The following OR14A16 variants were observed in gnomAD, a reference collection of about 807,000 sequenced individuals.
OR14A16 encodes olfactory receptor 14A16.
For missense variants in OR14A16, 341 were observed against 366.5 expected, an observed-to-expected ratio of 0.93 and a Z score of 0.57; for synonymous variants, 135 against 137.6, an observed-to-expected ratio of 0.98 and a Z score of 0.13.
chr1:247,817,225 C>G (rs1662639380), intron 2 of OR14A16, among the ~76,000 whole-genome samples: 1 of 152,114 alleles, frequency 6.6e-6, no homozygotes, highest in African/African-American at 2.4e-5. Context: ...TGTGCCTGTT[C>G]TCTCTCAGGA....
Position 247,815,392 on chromosome 1 carries a change from A to G in OR14A16, c.338T>C (p.Leu113Pro). Residue 113 changes from leucine to proline, a missense_variant, in exon 3 of 3, where the codon CTC becomes CCC. Physicochemically the swap from Leu to Pro is moderately conservative, Grantham distance 98. Coordinates refer to ENST00000641093, the MANE Select transcript of OR14A16 (RefSeq NM_001001966.2). ...LSSASAELLL[L>P]TVMSFDRYTA... ...ATAGCGGTCAAAGGACATCACCGTGAGGAGGAGCAGCTCTGCAGATGCTGA... is the reference window on the plus strand; with the variant it reads ...ATAGCGGTCAAAGGACATCACCGTGGGGAGGAGCAGCTCTGCAGATGCTGA... The G allele has an allele frequency of 6.2e-7, 1 of 1,613,834 alleles. No individual in the cohort carries two copies. Among genetic ancestry groups the G allele is most frequent in the Non-Finnish European group, 8.5e-7 (1 of 1,179,882 alleles).
rs1239033901 is a variant in OR14A16 at position 247,821,909 on chromosome 1, A to G, written c.-131+2044T>C. On this transcript the variant is annotated intron_variant, in intron 1 of 2. Transcript: ENST00000641093. Reference sequence around the variant, plus strand: ...CTTACTTTTTATCCTTTTTGTGTCTACTATAGGTTTTGGCTTTTTTGGTTA... The same window carrying G: ...CTTACTTTTTATCCTTTTTGTGTCTGCTATAGGTTTTGGCTTTTTTGGTTA... Among the ~76,000 whole-genome samples, 3 of 111,550 alleles carry G rather than the reference A, an allele frequency of 2.7e-5. 1 individual carries two copies. The highest frequency in any genetic ancestry group is 6.6e-5 in the Non-Finnish European group (3 of 45,166). The allele number at this position is 111,550 out of a possible 152,430, so 73.2% of individuals were successfully genotyped here.
rs1392352797 is a variant in OR14A16, at chr1:247,815,489, C to T, written c.241G>A (p.Ala81Thr). The T allele has an allele frequency of 7.4e-6, 12 of 1,613,692 alleles. 1 individual carries two copies. The Middle Eastern group carries it at 8.2e-4, about 111-fold the overall frequency. The change falls in exon 3 of 3, where the codon GCC becomes ACC. Residue 81 changes from alanine (A) to threonine (T), a missense_variant. Ala to Thr is a moderately conservative substitution (Grantham distance 58). Transcript: ENST00000641093. ...GAGTTGTTGTGTATCAAAGAATTGG[C>T]GATAGATTTGGGAGCCGTGACTGAA... The part of the protein sequence containing the change: ...LISVTAPKSI[A>T]NSLIHNNSIS...
intron 2 of OR14A16, among the ~76,000 whole-genome samples, chr1:247,817,273 T>C (rs1395462532): frequency 6.6e-6 from 1 of 152,230 alleles, no homozygotes; most frequent in African/African-American, 2.4e-5. Context: ...AAATGTTGTT[T>C]GCTGAATTTA....
At chr1:247,823,811 C>T (rs1019170848) in intron 1 of OR14A16, 142 bp downstream of exon 1, 2 of 151,514 alleles carry the variant, frequency 1.3e-5, no homozygotes, top group African/African-American at 2.4e-5. Context: ...ATCCAAAATT[C>T]GAATTTAAAG....
intron 1 of OR14A16, among the ~76,000 whole-genome samples, chr1:247,820,689 C>CA (rs111974953): frequency 0.21 from 15,075 of 70,998 alleles, 1,254 homozygotes; most frequent in African/African-American, 0.35. Flanking sequence ...CTACTAAATA[C>CA]AAAAAAAAAC....
intron 2 of OR14A16, 128 bp from the exon 3 acceptor site, chr1:247,815,872 C>G (rs368015596): frequency 3.0e-4 from 141 of 466,296 alleles, no homozygotes; most frequent in South Asian, 1.7e-3. Context: ...TAATTCCATG[C>G]CAATTTGCCA....
chr1:247,815,506 G>A lies in OR14A16; in HGVS notation c.224C>T (p.Thr75Met), dbSNP rs146819402. The A allele has an allele frequency of 1.9e-5, 31 of 1,613,688 alleles. No individual in the cohort carries two copies. In the African/African-American group the frequency reaches 2.7e-4, roughly 14 times the overall value. ...AGAATTGGCGATAGATTTGGGAGCC[G>A]TGACTGAAATAAGGCAGAGATCCAA... Reference protein sequence around the residue: ...SFLDLCLISVTAPKSIANSLI... With the variant: ...SFLDLCLISVMAPKSIANSLI... The change falls in exon 3 of 3, where the codon ACG becomes ATG. Residue 75 changes from threonine to methionine, a missense_variant. Transcript: ENST00000641093.
intron 2 of OR14A16, among the ~76,000 whole-genome samples, chr1:247,816,134 C>T (rs1244086996): frequency 6.6e-6 from 1 of 152,188 alleles, no homozygotes; most frequent in Admixed American, 6.5e-5. Context: ...GTACCATAGT[C>T]TTGCTCTTCC....
Position 247,815,435 on chromosome 1 carries a change from C to T in OR14A16, c.295G>A (p.Val99Ile). 1 of 1,613,892 alleles carries T rather than the reference C, an allele frequency of 6.2e-7. No homozygotes were observed. The highest frequency in any genetic ancestry group is 2.2e-5 in the East Asian group (1 of 44,876). The change falls in exon 3 of 3, where the codon GTC becomes ATC. Residue 99 changes from valine to isoleucine, a missense_variant. Val to Ile is a conservative substitution (Grantham distance 29). Coordinates refer to ENST00000641093, the MANE Select transcript of OR14A16 (RefSeq NM_001001966.2). Reference protein sequence around the residue: ...SISFLGCVSQVFLLLSSASAE... With the variant: ...SISFLGCVSQIFLLLSSASAE... The stretch of plus-strand genomic sequence containing the variant: ...GATGCTGAAGAAAGCAACAAAAAGA[C>T]CTGGGAAACACAGCCAAGGAATGAA...
In OR14A16 at chr1:247,815,505, C is replaced by T. The variant is rs757667932; in HGVS notation, c.225G>A (p.Thr75=). 6.8e-6 allele frequency: 11 copies of T among 1,613,840 alleles called. No homozygotes were observed. Among genetic ancestry groups the T allele is most frequent in the African/African-American group, 1.3e-5 (1 of 74,984 alleles). Residue 75 remains threonine, a synonymous_variant, in exon 3 of 3, where the codon ACG becomes ACA. Transcript: ENST00000641093. ...SFLDLCLISV[T]APKSIANSLI... is the part of the protein sequence containing the mutation. ...AAGAATTGGCGATAGATTTGGGAGC[C>T]GTGACTGAAATAAGGCAGAGATCCA... is the stretch of plus-strand genomic sequence containing the variant.
chr1:247,816,774 A>T (rs1016785776), intron 2 of OR14A16, among the ~76,000 whole-genome samples: 2 of 152,136 alleles, frequency 1.3e-5, no homozygotes, highest in African/African-American at 4.8e-5. Context: ...ATATTAACTG[A>T]ATTACTCACT....
intron 1 of OR14A16, among the ~76,000 whole-genome samples, chr1:247,820,685 A>G (rs1662717144): frequency 3.7e-5 from 1 of 26,942 alleles, no homozygotes; most frequent in Non-Finnish European, 1.9e-3. Flanking sequence ...ATCTCTACTA[A>G]ATACAAAAAA....
chr1:247,822,346 T>A (rs12760941), intron 1 of OR14A16, among the ~76,000 whole-genome samples: 39,640 of 142,466 alleles, frequency 0.28, 6,759 homozygotes, highest in African/African-American at 0.43. Context: ...TGGCGAAAAC[T>A]AACAGTAGGC....
In OR14A16 at chr1:247,815,080, A is replaced by T. The variant is rs770274900; in HGVS notation, c.650T>A (p.Val217Asp). The change falls in exon 3 of 3, where the codon GTC becomes GAC. Residue 217 changes from valine to aspartate, a missense_variant. Val to Asp is a radical substitution (Grantham distance 152, BLOSUM62 -3). Transcript: ENST00000641093. ...CCFIVIIITYVHVFSTVKKIP... is the reference protein window; with the variant it reads ...CCFIVIIITYDHVFSTVKKIP... ...CTTCTTGACTGTAGAGAAGACGTGG[A>T]CATAGGTAATGATGATGACAATAAA... 4 of 1,614,030 alleles carry T rather than the reference A, an allele frequency of 2.5e-6. No homozygotes were observed. The highest frequency in any genetic ancestry group is 3.3e-5 in the Admixed American group (2 of 60,030).
chr1:247,815,056 T>C lies in OR14A16; in HGVS notation c.674A>G (p.Lys225Arg), dbSNP rs1330478643. 1 of 1,613,826 alleles carries C rather than the reference T, an allele frequency of 6.2e-7. No homozygotes were observed. Among genetic ancestry groups the C allele is most frequent in the Non-Finnish European group, 8.5e-7 (1 of 1,179,840 alleles). Residue 225 changes from lysine to arginine, a missense_variant, in exon 3 of 3, where the codon AAG (lysine) becomes AGG (arginine). Physicochemically the swap from Lys to Arg is conservative, Grantham distance 26. Transcript: ENST00000641093. ...TYVHVFSTVK[K>R]IPSTEGQSKA... ...TGACTGGCCTTCTGTGGAAGGGATCTTCTTGACTGTAGAGAAGACGTGGAC... is the reference window on the plus strand; with the variant it reads ...TGACTGGCCTTCTGTGGAAGGGATCCTCTTGACTGTAGAGAAGACGTGGAC...
intron 2 of OR14A16, among the ~76,000 whole-genome samples, chr1:247,816,329 A>G (rs1475960922): frequency 1.3e-5 from 2 of 152,264 alleles, no homozygotes; most frequent in Non-Finnish European, 2.9e-5. Context: ...TGAAATTTTA[A>G]TAAGAGATTG....
At position 247,815,600 on chromosome 1, in the gene OR14A16, T is replaced by C. The variant is rs369712674; in HGVS notation, c.130A>G (p.Ile44Val). The C allele has an allele frequency of 2.6e-5, 42 of 1,613,612 alleles. No homozygotes were observed. Among genetic ancestry groups the C allele is most frequent in the Non-Finnish European group, 3.5e-5 (41 of 1,179,640 alleles). The change falls in exon 3 of 3, where the codon ATC becomes GTC. Residue 44 changes from isoleucine (I) to valine (V), a missense_variant. Ile to Val is a conservative substitution (Grantham distance 29). Coordinates refer to ENST00000641093, the MANE Select transcript of OR14A16 (RefSeq NM_001001966.2). The part of the protein sequence containing the change: ...LCALMGNVLI[I>V]MITTLDHHLH... ...TGATGGTCCAAAGTTGTGATCATGA[T>C]AATGAGGACATTCCCCATCAGGGCA...
Position 247,815,389 on chromosome 1 carries a change from G to T in OR14A16, c.341C>A (p.Thr114Lys). The change falls in exon 3 of 3, where the codon ACG becomes AAG. Residue 114 changes from threonine (T) to lysine (K), a missense_variant. Transcript: ENST00000641093. ...SSASAELLLL[T>K]VMSFDRYTAI... ...AGTATAGCGGTCAAAGGACATCACC[G>T]TGAGGAGGAGCAGCTCTGCAGATGC... 1.9e-6 allele frequency: 3 copies of T among 1,613,828 alleles called. No individual in the cohort carries two copies. Among genetic ancestry groups the T allele is most frequent in the Non-Finnish European group, 1.7e-6 (2 of 1,179,898 alleles).
Sources: allele counts gnomAD v4.1 joint callset (sites outside exome capture counted in the v4.1 genomes callset), GRCh38; gene constraint gnomAD v4.1.1; transcripts MANE v1.5; gene names NCBI Gene and HGNC (gene_info 2026-07-23, HGNC 2026-07-21).